The following CHCHD3 variants were observed in gnomAD, a reference collection of about 807,000 sequenced individuals.
CHCHD3 encodes the protein coiled-coil-helix-coiled-coil-helix domain containing 3.
CHCHD3 carries 20 observed loss-of-function variants against 38.2 expected under a neutral mutation model. The observed-to-expected ratio is 0.52, with a 90% confidence interval of 0.37 to 0.76. CHCHD3 has a LOEUF of 0.76. CHCHD3 is among the 30% of genes least tolerant of loss of function. The pLI, the probability that CHCHD3 is intolerant of heterozygous loss-of-function variation, is 0.00. For synonymous variants in CHCHD3, 82 were observed against 100.0 expected, an observed-to-expected ratio of 0.82 and a Z score of 1.07; for missense variants, 245 against 279.2, an observed-to-expected ratio of 0.88 and a Z score of 0.87.
intron 4 of CHCHD3, among the ~76,000 whole-genome samples, chr7:132,894,853 G>A (rs920585758): frequency 6.6e-6 from 1 of 152,228 alleles, no homozygotes; most frequent in Non-Finnish European, 1.5e-5. Context: ...TATTATGTAA[G>A]CTCTGAATTA....
intron 1 of CHCHD3, among the ~76,000 whole-genome samples, chr7:133,071,087 A>C (rs760057201): frequency 6.6e-6 from 1 of 152,194 alleles, no homozygotes; most frequent in South Asian, 2.1e-4. Flanking sequence ...GGCTCTGAGG[A>C]ACACACAGCC....
At chr7:133,042,118 G>C (rs1450804501) in intron 2 of CHCHD3, among the ~76,000 whole-genome samples, 1 of 152,156 alleles carries the variant, frequency 6.6e-6, no homozygotes. Context: ...TTATATCCAA[G>C]GGCCCTTTTT....
intron 5 of CHCHD3, among the ~76,000 whole-genome samples, chr7:132,856,212 A>G (rs1288066375): frequency 3.3e-5 from 5 of 151,994 alleles, no homozygotes; most frequent in African/African-American, 1.2e-4. Context: ...GTCCTTCCAA[A>G]CAAGACCTAT....
At position 132,804,182 on chromosome 7, in the gene CHCHD3, G is replaced by A. The variant is rs147554225; in HGVS notation, c.525-7605C>T. On this transcript the variant is annotated intron_variant, in intron 6 of 7. Coordinates refer to ENST00000262570, the MANE Select transcript of CHCHD3 (RefSeq NM_017812.4). ...TAAGACTTAATGAGAAAACTGAAGG[G>A]AACATCAAACATACCCTCCCAGAAA... Among the ~76,000 whole-genome samples, 8 of 152,116 alleles carry A rather than the reference G, an allele frequency of 5.3e-5. No individual in the cohort carries two copies. In the East Asian group the frequency reaches 9.7e-4, roughly 19 times the overall value.
chr7:132,795,746 A>G (rs1397830787), intron 7 of CHCHD3, among the ~76,000 whole-genome samples: 2 of 152,218 alleles, frequency 1.3e-5, no homozygotes, highest in Non-Finnish European at 2.9e-5. Flanking sequence ...TCCAACTGTT[A>G]AATTGGTTAA....
At chr7:132,939,629 A>G (rs1810716490) in intron 4 of CHCHD3, among the ~76,000 whole-genome samples, 1 of 152,168 alleles carries the variant, frequency 6.6e-6, no homozygotes, top group Non-Finnish European at 1.5e-5. Flanking sequence ...TTATGACTGT[A>G]CCAAACACTG....
chr7:132,939,365 C>G (rs768242516), intron 4 of CHCHD3, among the ~76,000 whole-genome samples: 1 of 152,186 alleles, frequency 6.6e-6, no homozygotes, highest in Non-Finnish European at 1.5e-5. Context: ...GAGCCCTATA[C>G]AAGTATACCA....
chr7:132,828,309 T>C (rs576442171), intron 6 of CHCHD3, among the ~76,000 whole-genome samples: 1 of 152,208 alleles, frequency 6.6e-6, no homozygotes, highest in African/African-American at 2.4e-5. Flanking sequence ...ATTTTTGCCA[T>C]TCCTATGTTT....
At chr7:133,031,398 A>G (rs1165745982) in intron 2 of CHCHD3, among the ~76,000 whole-genome samples, 1 of 152,172 alleles carries the variant, frequency 6.6e-6, no homozygotes, top group African/African-American at 2.4e-5. Flanking sequence ...CAGAAGACTG[A>G]AAATGCAACC....
intron 3 of CHCHD3, among the ~76,000 whole-genome samples, chr7:132,978,050 T>C (rs1811817933): frequency 6.6e-6 from 1 of 152,204 alleles, no homozygotes; most frequent in Non-Finnish European, 1.5e-5. Flanking sequence ...CGGTGAGTCC[T>C]GTTATTCTCA....
intron 5 of CHCHD3, among the ~76,000 whole-genome samples, chr7:132,882,138 G>A (rs1259445331): frequency 6.6e-6 from 1 of 151,866 alleles, no homozygotes. Flanking sequence ...AGCTTTCAAG[G>A]GGCTTTTACA....
chr7:132,993,199 T>TA (rs1003335519), intron 3 of CHCHD3, among the ~76,000 whole-genome samples: 2 of 152,234 alleles, frequency 1.3e-5, no homozygotes, highest in Non-Finnish European at 2.9e-5. Context: ...CCTCCTAGAA[T>TA]AAAGAGTCCT....
intron 2 of CHCHD3, among the ~76,000 whole-genome samples, chr7:133,037,959 C>A (rs1407456797): frequency 6.6e-6 from 1 of 152,136 alleles, no homozygotes; most frequent in African/African-American, 2.4e-5. Context: ...CTTTCATAAT[C>A]ATTTAAAAGT....
chr7:132,827,244 T>C (rs1261912590), intron 6 of CHCHD3, among the ~76,000 whole-genome samples: 1 of 152,232 alleles, frequency 6.6e-6, no homozygotes, highest in African/African-American at 2.4e-5. Context: ...GTATCCTTTA[T>C]TTGAAATGCT....
intron 3 of CHCHD3, among the ~76,000 whole-genome samples, chr7:132,990,235 A>G (rs146009329): frequency 6.6e-6 from 1 of 152,192 alleles, no homozygotes; most frequent in African/African-American, 2.4e-5. Flanking sequence ...CTCATGCTTG[A>G]CCTATTACTA....
At chr7:132,906,988 G>C (rs1316389299) in intron 4 of CHCHD3, among the ~76,000 whole-genome samples, 2 of 152,070 alleles carry the variant, frequency 1.3e-5, no homozygotes, top group African/African-American at 4.8e-5. Flanking sequence ...TGACTCTCAG[G>C]CATTCTGAAT....
intron 2 of CHCHD3, among the ~76,000 whole-genome samples, chr7:133,049,662 A>G (rs191211716): frequency 1.2e-3 from 180 of 152,310 alleles, no homozygotes; most frequent in African/African-American, 4.2e-3. Context: ...AAGATGTTTC[A>G]AAAAAATAGA....
At chr7:132,937,997 G>C (rs1025525073) in intron 4 of CHCHD3, among the ~76,000 whole-genome samples, 1 of 152,070 alleles carries the variant, frequency 6.6e-6, no homozygotes, top group African/African-American at 2.4e-5. Flanking sequence ...TTAAAAACCT[G>C]TATTACTTAA....
intron 1 of CHCHD3, among the ~76,000 whole-genome samples, chr7:133,074,924 C>T (rs1814933602): frequency 7.5e-6 from 1 of 132,640 alleles, no homozygotes; most frequent in Admixed American, 8.0e-5. Context: ...ATAGCTCCAA[C>T]CACAGGGACT....
Sources: allele counts gnomAD v4.1 joint callset (sites outside exome capture counted in the v4.1 genomes callset), GRCh38; gene constraint gnomAD v4.1.1; transcripts MANE v1.5; gene names NCBI Gene and HGNC (gene_info 2026-07-23, HGNC 2026-07-21).